The following GHR variants were observed in gnomAD, a reference collection of about 807,000 sequenced individuals.
GHR encodes the protein GH receptor.
In GHR, 35 loss-of-function variants were observed where a neutral mutation model predicts 67.1. That is an observed-to-expected ratio of 0.52 (90% CI 0.40 to 0.69). GHR has a LOEUF of 0.69. GHR is among the 30% of genes least tolerant of loss of function. The pLI, the probability that GHR is intolerant of heterozygous loss-of-function variation, is 0.00. For missense variants in GHR, 792 were observed against 764.6 expected (o/e 1.04, Z -0.42); for synonymous variants, 272 against 269.1 (o/e 1.01, Z -0.10).
chr5:42,458,973 T>C (rs1260979461), intron 1 of GHR, among the ~76,000 whole-genome samples: 2 of 151,928 alleles, frequency 1.3e-5, no homozygotes, highest in Non-Finnish European at 2.9e-5. Flanking sequence ...TACCAAAAAG[T>C]AAAAGAAAAA....
rs530519983 is a variant in GHR at position 42,703,920 on chromosome 5, T to A, written c.618+3918T>A. On this transcript the variant is annotated intron_variant, in intron 6 of 9. Coordinates refer to ENST00000230882, the MANE Select transcript of GHR (RefSeq NM_000163.5). ...CCTGCAGCTTTACTGAATTTGTTTA[T>A]CTGTTCTAGCAATTTTTTGTTGAAG... Among the ~76,000 whole-genome samples the A allele has an allele frequency of 2.6e-5, 4 of 152,132 alleles. No homozygotes were observed. The East Asian group carries it at 7.7e-4, about 29-fold the overall frequency.
At chr5:42,449,941 G>T (rs924516728) in intron 1 of GHR, among the ~76,000 whole-genome samples, 3 of 151,942 alleles carry the variant, frequency 2.0e-5, no homozygotes, top group Non-Finnish European at 2.9e-5. Context: ...TTATTGACTC[G>T]GGTATGGTAA....
At chr5:42,679,492 G>T (rs1203421720) in intron 3 of GHR, among the ~76,000 whole-genome samples, 1 of 151,972 alleles carries the variant, frequency 6.6e-6, no homozygotes, top group Non-Finnish European at 1.5e-5. Flanking sequence ...GGGCACGGTG[G>T]CACGCACCTG....
At chr5:42,689,442 G>C (rs527900484) in intron 4 of GHR, among the ~76,000 whole-genome samples, 1 of 152,280 alleles carries the variant, frequency 6.6e-6, no homozygotes, top group South Asian at 2.1e-4. Flanking sequence ...ATACACGTGG[G>C]CATGTGCATG....
chr5:42,675,729 T>C (rs574778436), intron 3 of GHR, among the ~76,000 whole-genome samples: 10 of 152,314 alleles, frequency 6.6e-5, no homozygotes, highest in African/African-American at 2.2e-4. Context: ...ATGCCAATAG[T>C]AGTATATGTG....
intron 3 of GHR, among the ~76,000 whole-genome samples, chr5:42,647,185 C>T (rs1247422839): frequency 1.3e-5 from 2 of 152,072 alleles, no homozygotes; most frequent in African/African-American, 4.8e-5. Flanking sequence ...CTGAGCTGTA[C>T]TGTGCAAAGT....
chr5:42,562,235 C>T (rs764629752), intron 1 of GHR, among the ~76,000 whole-genome samples: 1 of 152,088 alleles, frequency 6.6e-6, no homozygotes, highest in East Asian at 1.9e-4. Flanking sequence ...TTGAATGTCA[C>T]GTCTCGTGGC....
intron 1 of GHR, among the ~76,000 whole-genome samples, chr5:42,490,074 G>C (rs1290703215): frequency 6.6e-6 from 1 of 152,198 alleles, no homozygotes; most frequent in Non-Finnish European, 1.5e-5. Context: ...GAACTTAGAA[G>C]AGAAAACATG....
intron 1 of GHR, among the ~76,000 whole-genome samples, chr5:42,509,997 G>A (rs960741154): frequency 3.3e-5 from 5 of 152,088 alleles, no homozygotes; most frequent in African/African-American, 1.2e-4. Flanking sequence ...TACCTAGCTG[G>A]CATTTCCACT....
intron 1 of GHR, among the ~76,000 whole-genome samples, chr5:42,447,350 C>T (rs1401932184): frequency 6.6e-6 from 1 of 152,138 alleles, no homozygotes; most frequent in African/African-American, 2.4e-5. Context: ...TATGACTTTG[C>T]ATCCTCAGAG....
intron 3 of GHR, among the ~76,000 whole-genome samples, chr5:42,670,356 A>G (rs1168839384): frequency 6.6e-6 from 1 of 152,218 alleles, no homozygotes; most frequent in Non-Finnish European, 1.5e-5. Context: ...CTCATCCCTT[A>G]TACAAGAATC....
chr5:42,632,136 A>G (rs1753956233), intron 3 of GHR, among the ~76,000 whole-genome samples: 1 of 151,942 alleles, frequency 6.6e-6, no homozygotes, highest in Admixed American at 6.6e-5. Flanking sequence ...TAAACTTCAA[A>G]CCTTTCCCAA....
intron 1 of GHR, among the ~76,000 whole-genome samples, chr5:42,518,396 T>C (rs1747334327): frequency 6.6e-6 from 1 of 152,132 alleles, no homozygotes. Flanking sequence ...TTTTCTCCTT[T>C]TGGTATGGAA....
At chr5:42,664,206 C>T (rs562982535) in intron 3 of GHR, among the ~76,000 whole-genome samples, 32 of 152,304 alleles carry the variant, frequency 2.1e-4, no homozygotes, top group Admixed American at 4.6e-4. Context: ...CCCCATCAAG[C>T]TACCAATGAC....
intron 1 of GHR, among the ~76,000 whole-genome samples, chr5:42,521,259 G>A (rs577378931): frequency 5.3e-5 from 8 of 152,214 alleles, no homozygotes; most frequent in South Asian, 4.1e-4. Flanking sequence ...CCTTGGATTC[G>A]CCAAAAATTC....
chr5:42,705,825 TG>T (rs1350208614), intron 6 of GHR, among the ~76,000 whole-genome samples: 1 of 152,138 alleles, frequency 6.6e-6, no homozygotes, highest in African/African-American at 2.4e-5. Flanking sequence ...TCCATGTCTT[TG>T]CTATTGTGAA....
intron 1 of GHR, among the ~76,000 whole-genome samples, chr5:42,484,242 G>A (rs1369929289): frequency 2.6e-5 from 4 of 152,182 alleles, no homozygotes. Flanking sequence ...CCAATGAAAT[G>A]CTGTTCTTTG....
At chr5:42,556,539 A>G (rs138431551) in intron 1 of GHR, among the ~76,000 whole-genome samples, 219 of 152,332 alleles carry the variant, frequency 1.4e-3, no homozygotes, top group African/African-American at 4.8e-3. Flanking sequence ...GAAAAAAAGT[A>G]GAAAGTCAAT....
intron 1 of GHR, among the ~76,000 whole-genome samples, chr5:42,435,714 C>A (rs1036065899): frequency 2.0e-5 from 3 of 152,194 alleles, no homozygotes; most frequent in Non-Finnish European, 4.4e-5. Context: ...CTTCCACTCA[C>A]ATCTTCTTTT....
Sources: gnomAD v4.1 joint callset for allele counts (sites outside exome capture counted in the v4.1 genomes callset) on GRCh38, gnomAD v4.1.1 for gene constraint, MANE v1.5 for transcripts, NCBI Gene and HGNC (gene_info 2026-07-23, HGNC 2026-07-21) for gene names.